Variants in XPOT observed in about 807,000 individuals in gnomAD.
XPOT encodes the protein exportin-T.
In XPOT, 34 loss-of-function variants were observed where a neutral mutation model predicts 128.2. The observed-to-expected ratio is 0.27, with a 90% CI of 0.20 to 0.35. The LOEUF (loss-of-function observed/expected upper bound fraction) is 0.35. Among genes scored for constraint, XPOT ranks in the 10% least tolerant of loss-of-function variants. The pLI is 1.00. For missense variants in XPOT, 838 were observed against 1,125.3 expected (o/e 0.74, Z 3.65); for synonymous variants, 348 against 394.3 (o/e 0.88, Z 1.39).
Position 64,410,010 on chromosome 12 carries a change from A to G in XPOT, c.-26A>G. 6.2e-7 allele frequency: 1 copy of G among 1,610,860 alleles called. No homozygotes were observed. ...ATCAGAGGGCACGCCTATTACAACCAGAAAACTACAAGTATAACAGCGAGG... is the reference window on the plus strand; with the variant it reads ...ATCAGAGGGCACGCCTATTACAACCGGAAAACTACAAGTATAACAGCGAGG... On this transcript the variant is annotated 5_prime_UTR_variant, in exon 2 of 25. Coordinates refer to ENST00000332707, the MANE Select transcript of XPOT (RefSeq NM_007235.6).
chr12:64,407,957 C>T (rs1366795302), intron 1 of XPOT, among the ~76,000 whole-genome samples: 1 of 152,104 alleles, frequency 6.6e-6, no homozygotes, highest in East Asian at 1.9e-4. Flanking sequence ...TTGTAGGTAT[C>T]CTGTAACCTG....
chr12:64,420,280 T>C (rs752755535), intron 7 of XPOT, 26 bp downstream of exon 7: 13 of 1,591,452 alleles, frequency 8.2e-6, no homozygotes, highest in Non-Finnish European at 1.1e-5. Context: ...ATTTTTATAG[T>C]ATAAACTTGT....
At chr12:64,414,362 C>T (rs2040067597) in intron 2 of XPOT, among the ~76,000 whole-genome samples, 1 of 152,132 alleles carries the variant, frequency 6.6e-6, no homozygotes, top group Admixed American at 6.5e-5. Flanking sequence ...TGCACTTGTA[C>T]TCCAATTTTA....
chr12:64,421,678 A>G (rs1388638961), intron 9 of XPOT, among the ~76,000 whole-genome samples: 1 of 151,368 alleles, frequency 6.6e-6, no homozygotes, highest in Non-Finnish European at 1.5e-5. Flanking sequence ...TAGACTAACC[A>G]GCTTCAGAGG....
At chr12:64,419,709 T>C (rs560301059) in intron 6 of XPOT, among the ~76,000 whole-genome samples, 1 of 152,336 alleles carries the variant, frequency 6.6e-6, no homozygotes, top group South Asian at 2.1e-4. Context: ...TACTGCTATA[T>C]AGTCCCTGAG....
At position 64,448,177 on chromosome 12, in the gene XPOT, A is replaced by C; in HGVS notation, c.*46A>C. The C allele has an allele frequency of 6.2e-7, 1 of 1,605,194 alleles. No homozygotes were observed. Among genetic ancestry groups the C allele is most frequent in the Non-Finnish European group, 8.5e-7 (1 of 1,172,120 alleles). On this transcript the variant is annotated 3_prime_UTR_variant, in exon 25 of 25. Coordinates refer to ENST00000332707, the MANE Select transcript of XPOT (RefSeq NM_007235.6). ...TACTTCATGATCATGAATTCCAGTT[A>C]ATTTATAAAGAGGCGATTTTTGTGT... is the stretch of plus-strand genomic sequence containing the variant.
intron 23 of XPOT, among the ~76,000 whole-genome samples, chr12:64,440,176 C>T (rs2040313691): frequency 6.6e-6 from 1 of 152,196 alleles, no homozygotes; most frequent in Admixed American, 6.5e-5. Context: ...CTCTCTGATT[C>T]TGTGAATTTG....
At chr12:64,408,128 G>C (rs1347026593) in intron 1 of XPOT, among the ~76,000 whole-genome samples, 1 of 150,218 alleles carries the variant, frequency 6.7e-6, no homozygotes, top group Non-Finnish European at 1.5e-5. Flanking sequence ...TGTTTTTTTT[G>C]AGACAGAGTC....
intron 17 of XPOT, among the ~76,000 whole-genome samples, chr12:64,430,551 C>T (rs7980497): frequency 0.42 from 63,807 of 151,864 alleles, 15,935 homozygotes; most frequent in Non-Finnish European, 0.56. Context: ...AGAGGATCAG[C>T]TGAAGTGTTA....
Position 64,439,230 on chromosome 12 carries a change from C to G in XPOT, c.2734-14C>G, listed in dbSNP as rs772703212. On this transcript the variant is annotated splice_polypyrimidine_tract_variant and intron_variant, in intron 22 of 24. Transcript: ENST00000332707. ...CAAGCAAGAAAATAGTTGTAAGTAT[C>G]TTTTAATCTTCAGGGCCCAGAATGT... 3.1e-6 allele frequency: 5 copies of G among 1,612,530 alleles called. No homozygotes were observed. The highest frequency in any genetic ancestry group is 4.2e-6 in the Non-Finnish European group (5 of 1,178,802).
Position 64,419,036 on chromosome 12 carries a change from G to T in XPOT, c.431G>T (p.Arg144Leu). The change falls in exon 6 of 25, where the codon CGA (arginine) becomes CTA (leucine). Residue 144 changes from arginine to leucine, a missense_variant. Physicochemically the swap from Arg to Leu is moderately radical, Grantham distance 102 (BLOSUM62 -2). Around this residue, in one of 3 missense-constraint regions of XPOT, gnomAD observed 761 missense variants for 988.3 expected, o/e 0.77. Transcript: ENST00000332707. ...CCAAGGGGAGTAGATCTCTACCTGC[G>T]AATCCTCATGGCTATTGATTCAGAG... Reference protein sequence around the residue: ...LNPRGVDLYLRILMAIDSELV... With the variant: ...LNPRGVDLYLLILMAIDSELV... 1 of 1,613,984 alleles carries T rather than the reference G, an allele frequency of 6.2e-7. No individual in the cohort carries two copies. The highest frequency in any genetic ancestry group is 8.5e-7 in the Non-Finnish European group (1 of 1,180,018).
Position 64,419,079 on chromosome 12 carries a change from G to C in XPOT, c.474G>C (p.Val158=), listed in dbSNP as rs763962931. Residue 158 remains valine (V), a synonymous_variant, in exon 6 of 25, where the codon GTG becomes GTC. Transcript: ENST00000332707. ...AIDSELVDRD[V]VHTSEEARRN... is the part of the protein sequence containing the mutation. ...ATTCAGAGTTGGTGGATCGTGATGTGGTGCATACATCAGAGGCAAGTAACT... is the reference window on the plus strand; with the variant it reads ...ATTCAGAGTTGGTGGATCGTGATGTCGTGCATACATCAGAGGCAAGTAACT... 6.2e-7 allele frequency: 1 copy of C among 1,613,682 alleles called. No homozygotes were observed. The highest frequency in any genetic ancestry group is 2.2e-5 in the East Asian group (1 of 44,860).
At chr12:64,412,317 G>A (rs377713885) in intron 2 of XPOT, among the ~76,000 whole-genome samples, 13 of 152,088 alleles carry the variant, frequency 8.5e-5, no homozygotes, top group African/African-American at 1.4e-4. Flanking sequence ...GACTCACCGC[G>A]CCCAGCCTCC....
At chr12:64,423,289 T>G (rs2040158325) in intron 11 of XPOT, 45 bp downstream of exon 11, 12 of 1,229,846 alleles carry the variant, frequency 9.8e-6, no homozygotes, top group African/African-American at 1.5e-5. Flanking sequence ...TTAATTTTAT[T>G]ATTATATCAA....
chr12:64,432,964 G>A lies in XPOT; in HGVS notation c.2263-450G>A, dbSNP rs545462898. 4.1e-4 allele frequency among the ~76,000 whole-genome samples: 63 copies of A among 152,134 alleles called. 1 individual carries two copies. The highest frequency in any genetic ancestry group is 1.4e-3 in the African/African-American group (60 of 41,498). On this transcript the variant is annotated intron_variant, in intron 18 of 24. Coordinates refer to ENST00000332707, the MANE Select transcript of XPOT (RefSeq NM_007235.6). Reference sequence around the variant, plus strand: ...AAGGTTTTTTCCCCACCTTGAAATGGAGTCTTGCTGTGTTGCCCAGGCTGG... The same window carrying A: ...AAGGTTTTTTCCCCACCTTGAAATGAAGTCTTGCTGTGTTGCCCAGGCTGG...
chr12:64,435,707 A>G, intron 22 of XPOT, 33 bp downstream of exon 22: 1 of 1,570,638 alleles, frequency 6.4e-7, no homozygotes, highest in Non-Finnish European at 8.7e-7. Flanking sequence ...CTTCATTTTC[A>G]TCTCACATGT....
rs572611616 is a variant in XPOT at position 64,417,392 on chromosome 12, T to A, written c.200+638T>A. Reference sequence around the variant, plus strand: ...GACCTCATCTCTACAAAAATTTTTTTAAAAAATTAGCCAGGCATGATTGCG... The same window carrying A: ...GACCTCATCTCTACAAAAATTTTTTAAAAAAATTAGCCAGGCATGATTGCG... On this transcript the variant is annotated intron_variant, in intron 4 of 24. Coordinates refer to ENST00000332707, the MANE Select transcript of XPOT (RefSeq NM_007235.6). Among the ~76,000 whole-genome samples, 86 of 152,186 alleles carry A rather than the reference T, an allele frequency of 5.7e-4. 1 individual carries two copies. In the South Asian group the frequency reaches 7.3e-3, roughly 13 times the overall value.
rs982191130 is a variant in XPOT, at chr12:64,410,828, T to A, written c.60+733T>A. On this transcript the variant is annotated intron_variant, in intron 2 of 24. Coordinates refer to ENST00000332707, the MANE Select transcript of XPOT (RefSeq NM_007235.6). Reference sequence around the variant, plus strand: ...CTGAATGATAGAAAAATATAAAGAATGAGCCTATAATTAATTTTTTTTAAA... The same window carrying A: ...CTGAATGATAGAAAAATATAAAGAAAGAGCCTATAATTAATTTTTTTTAAA... Among the ~76,000 whole-genome samples the A allele has an allele frequency of 1.7e-4, 15 of 88,734 alleles. No individual in the cohort carries two copies. The East Asian group carries it at 4.7e-3, about 28-fold the overall frequency. The allele number at this position is 88,734 out of a possible 152,430, so 58.2% of individuals were successfully genotyped here. A position where few individuals can be genotyped will look rare whatever the true frequency, so the allele number is the denominator to read the frequency against.
At chr12:64,409,550 A>G (rs980508183) in intron 1 of XPOT, 6 of 153,778 alleles carry the variant, frequency 3.9e-5, no homozygotes, top group Middle Eastern at 3.3e-3. Flanking sequence ...CCTGGCTAAC[A>G]CGGTGAAACC....
Sources: gnomAD v4.1 joint callset for allele counts (sites outside exome capture counted in the v4.1 genomes callset) on GRCh38, gnomAD v4.1.1 for gene constraint, gnomAD v4.1.1 regional missense constraint, MANE v1.5 for transcripts, NCBI Gene and HGNC (gene_info 2026-07-23, HGNC 2026-07-21) for gene names.